ZFPM2: variants seen among roughly 807,000 people sequenced by gnomAD.
ZFPM2 encodes zinc finger protein, FOG family member 2, also known as zinc finger protein ZFPM2.
In ZFPM2, 20 loss-of-function variants were observed where a neutral mutation model predicts 98.6. The ratio of observed to expected loss-of-function variants is 0.20; its 90% CI spans 0.14 to 0.29. The LOEUF is 0.29. Among genes scored for constraint, ZFPM2 ranks in the 10% least tolerant of loss-of-function variants. The probability of loss-of-function intolerance (pLI) is 1.00; values close to 1 mark genes in which losing one functional copy is unlikely to be tolerated. For synonymous variants in ZFPM2, 518 were observed against 502.7 expected (o/e 1.03, Z -0.41); for missense variants, 1,310 against 1,388.6 (o/e 0.94, Z 0.90).
intron 5 of ZFPM2, among the ~76,000 whole-genome samples, chr8:105,660,366 G>A (rs931598413): frequency 5.3e-5 from 8 of 152,190 alleles, no homozygotes; most frequent in African/African-American, 1.9e-4. Context: ...GTCTTGTCAT[G>A]CAAGCCCAGA....
chr8:105,693,980 C>CTTTT (rs376834507), intron 5 of ZFPM2, among the ~76,000 whole-genome samples: 159 of 118,400 alleles, frequency 1.3e-3, no homozygotes, highest in African/African-American at 2.8e-3. Context: ...TTTTTCTTTT[C>CTTTT]TTTTTTTTTT....
At chr8:105,560,545 T>C (rs770485011) in intron 3 of ZFPM2, among the ~76,000 whole-genome samples, 1 of 150,940 alleles carries the variant, frequency 6.6e-6, no homozygotes, top group Non-Finnish European at 1.5e-5. Context: ...TTTTTCTACC[T>C]ATCCCAAACA....
At chr8:105,374,070 T>C (rs569970918) in intron 1 of ZFPM2, among the ~76,000 whole-genome samples, 2 of 152,298 alleles carry the variant, frequency 1.3e-5, no homozygotes, top group East Asian at 1.9e-4. Flanking sequence ...GTATGGGATG[T>C]CAATTCTCTT....
At chr8:105,564,233 CTT>C (rs1039034073) in intron 4 of ZFPM2, among the ~76,000 whole-genome samples, 14 of 151,962 alleles carry the variant, frequency 9.2e-5, no homozygotes, top group African/African-American at 2.4e-4. Flanking sequence ...CATGACTACT[CTT>C]AAGTTTATCA....
chr8:105,716,691 A>G (rs1811531035), intron 5 of ZFPM2, among the ~76,000 whole-genome samples: 1 of 151,970 alleles, frequency 6.6e-6, no homozygotes, highest in Non-Finnish European at 1.5e-5. Context: ...CCAGACACCA[A>G]AAGGAAAGCC....
chr8:105,318,987 T>C lies in ZFPM2; in HGVS notation c.40+6T>C. On this transcript the variant is annotated splice_donor_region_variant and intron_variant, in intron 1 of 7. Transcript: ENST00000407775. ...CAAACCCCGGCAGATCAAACGTAAG[T>C]TTGCGCGCGGGGCCGGGAGTTGGTG... 1 of 1,489,160 alleles carries C rather than the reference T, an allele frequency of 6.7e-7. No individual in the cohort carries two copies. 92.2% of individuals were successfully genotyped at this position (1,489,160 alleles called of 1,614,324 possible).
chr8:105,787,932 A>G (rs1487984964), intron 5 of ZFPM2, among the ~76,000 whole-genome samples: 1 of 152,218 alleles, frequency 6.6e-6, no homozygotes, highest in Non-Finnish European at 1.5e-5. Flanking sequence ...TTTCTTTTTA[A>G]TGCACAACAT....
At chr8:105,787,904 G>A (rs1339490875) in intron 5 of ZFPM2, among the ~76,000 whole-genome samples, 1 of 152,228 alleles carries the variant, frequency 6.6e-6, no homozygotes, top group East Asian at 1.9e-4. Context: ...TACATTAGAT[G>A]TACTTGCATA....
intron 1 of ZFPM2, among the ~76,000 whole-genome samples, chr8:105,354,468 G>A (rs1812704397): frequency 6.6e-6 from 1 of 152,158 alleles, no homozygotes; most frequent in South Asian, 2.1e-4. Context: ...ATTTGTTGTA[G>A]CAGATGTTAT....
chr8:105,706,051 C>A, intron 5 of ZFPM2, among the ~76,000 whole-genome samples: 1 of 151,984 alleles, frequency 6.6e-6, no homozygotes, highest in Non-Finnish European at 1.5e-5. Context: ...CATTCCCAGG[C>A]ATGTGAGTGT....
chr8:105,700,232 T>C (rs1811111172), intron 5 of ZFPM2, among the ~76,000 whole-genome samples: 1 of 152,230 alleles, frequency 6.6e-6, no homozygotes, highest in Non-Finnish European at 1.5e-5. Context: ...CCAGTGGCTA[T>C]GGATTTTGAA....
chr8:105,665,464 C>T (rs1406429069), intron 5 of ZFPM2, among the ~76,000 whole-genome samples: 1 of 152,126 alleles, frequency 6.6e-6, no homozygotes, highest in Non-Finnish European at 1.5e-5. Flanking sequence ...CAGAGCCTCT[C>T]TCTGAGATAG....
intron 1 of ZFPM2, among the ~76,000 whole-genome samples, chr8:105,360,217 G>A (rs2129755929): frequency 6.6e-6 from 1 of 152,284 alleles, no homozygotes; most frequent in South Asian, 2.1e-4. Flanking sequence ...TATTTAGATA[G>A]ATGCTAAAAA....
chr8:105,494,562 T>C (rs1403680798), intron 3 of ZFPM2, among the ~76,000 whole-genome samples: 1 of 152,082 alleles, frequency 6.6e-6, no homozygotes, highest in East Asian at 1.9e-4. Context: ...ACTCCATCTA[T>C]ATCCTTGACA....
chr8:105,520,358 G>A (rs980810798), intron 3 of ZFPM2, among the ~76,000 whole-genome samples: 6 of 152,102 alleles, frequency 3.9e-5, no homozygotes, highest in Admixed American at 1.3e-4. Context: ...TAAGTACTAT[G>A]CAGAAGCTCA....
intron 4 of ZFPM2, among the ~76,000 whole-genome samples, chr8:105,619,319 A>C (rs897472938): frequency 6.6e-6 from 1 of 152,248 alleles, no homozygotes; most frequent in South Asian, 2.1e-4. Context: ...AGCTTAAAAT[A>C]TAATGAGCTT....
At chr8:105,581,123 A>G (rs932372160) in intron 4 of ZFPM2, among the ~76,000 whole-genome samples, 4 of 152,118 alleles carry the variant, frequency 2.6e-5, no homozygotes, top group Non-Finnish European at 4.4e-5. Flanking sequence ...TGGATTTTAT[A>G]TACTAGATTT....
Position 105,408,930 on chromosome 8 carries a change from A to G in ZFPM2, c.41-10214A>G, listed in dbSNP as rs76093739. On this transcript the variant is annotated intron_variant, in intron 1 of 7. Coordinates refer to ENST00000407775, the MANE Select transcript of ZFPM2 (RefSeq NM_012082.4). ...TGTTAGCCACGTATGTGGGTTAACA[A>G]TGAAGGCTGGCTATGTTGCTGTCCT... Among the ~76,000 whole-genome samples the G allele has an allele frequency of 7.0e-3, 1,061 of 152,054 alleles. 7 individuals carry two copies. Among genetic ancestry groups the G allele is most frequent in the Non-Finnish European group, 0.011 (768 of 67,894 alleles).
intron 6 of ZFPM2, among the ~76,000 whole-genome samples, chr8:105,791,115 T>G (rs148365061): frequency 0.16 from 25,100 of 152,126 alleles, 3,629 homozygotes; most frequent in African/African-American, 0.39. Flanking sequence ...TGGCCAGAAC[T>G]TCCAACACTG....
Sources: allele counts gnomAD v4.1 joint callset (sites outside exome capture counted in the v4.1 genomes callset), GRCh38; gene constraint gnomAD v4.1.1; transcripts MANE v1.5; gene names NCBI Gene and HGNC (gene_info 2026-07-23, HGNC 2026-07-21).